Variants in TOX2 observed in about 807,000 individuals in gnomAD.
The protein encoded by TOX2 is granulosa cell HMG box 1.
TOX2 carries 15 observed loss-of-function variants against 47.4 expected under a neutral mutation model. That is an observed-to-expected ratio of 0.32 (90% confidence interval 0.21 to 0.49). The LOEUF (loss-of-function observed/expected upper bound fraction) is 0.49, where lower values mean the gene tolerates loss of function less well. Among genes scored for constraint, TOX2 ranks in the 20% least tolerant of loss-of-function variants. TOX2 has a pLI of 0.99. For missense variants in TOX2, 622 were observed against 673.1 expected (o/e 0.92, Z 0.84); for synonymous variants, 290 against 296.6 (o/e 0.98, Z 0.23).
chr20:44,052,097 CTG>C (rs770097437), intron 4 of TOX2, among the ~76,000 whole-genome samples: 2 of 152,170 alleles, frequency 1.3e-5, no homozygotes, highest in Non-Finnish European at 2.9e-5. Flanking sequence ...TCTGACAAAA[CTG>C]TGTGGTCCAG....
At position 43,914,917 on chromosome 20, in the gene TOX2, C is replaced by T. The variant is rs2069038644; in HGVS notation, c.26C>T (p.Ala9Val). The T allele has an allele frequency of 8.6e-7, 1 of 1,158,750 alleles. No individual in the cohort carries two copies. The highest frequency in any genetic ancestry group is 1.1e-6 in the Non-Finnish European group (1 of 943,642). 71.8% of individuals were successfully genotyped at this position (1,158,750 alleles called of 1,614,324 possible). A position where few individuals can be genotyped will look rare whatever the true frequency, so the allele number is the denominator to read the frequency against. ...ATGGACGTCCGCCTGTACCCCTCGG[C>T]GCCCGCGGTGGGCGCGCGGCCCGGG... MDVRLYPS[A>V]PAVGARPGAE... The change falls in exon 1 of 9, where the codon GCG becomes GTG. Residue 9 changes from alanine (A) to valine (V), a missense_variant. Coordinates refer to ENST00000341197, the MANE Select transcript of TOX2 (RefSeq NM_001098797.2). This position sits in a 1 kb window ranked among gnomAD's most constrained non-coding sequence, Gnocchi z 4.5.
intron 1 of TOX2, among the ~76,000 whole-genome samples, chr20:43,964,077 G>A (rs1240193452): frequency 1.3e-5 from 2 of 151,562 alleles, no homozygotes; most frequent in Non-Finnish European, 1.5e-5. Context: ...TGAGAAAACT[G>A]AGACACAGTA....
At chr20:43,975,507 C>A (rs1225557615) in intron 2 of TOX2, among the ~76,000 whole-genome samples, 1 of 152,076 alleles carries the variant, frequency 6.6e-6, no homozygotes, top group Non-Finnish European at 1.5e-5. Context: ...GGTGACTCAG[C>A]CAGGGAGCAC....
chr20:44,006,509 G>T, intron 2 of TOX2, 38 bp from the exon 3 acceptor site: 1 of 1,576,886 alleles, frequency 6.3e-7, no homozygotes, highest in South Asian at 1.2e-5. Flanking sequence ...CGGTTGTAAG[G>T]CACTGACCCC....
chr20:44,042,476 G>A (rs2071348111), intron 3 of TOX2, among the ~76,000 whole-genome samples: 1 of 152,228 alleles, frequency 6.6e-6, no homozygotes. Flanking sequence ...CAAGGGAGAA[G>A]TTAAAGGGCT....
chr20:43,987,773 G>T (rs1416988765), intron 2 of TOX2, among the ~76,000 whole-genome samples: 1 of 152,156 alleles, frequency 6.6e-6, no homozygotes, highest in African/African-American at 2.4e-5. Context: ...GATGAGCTGT[G>T]AAATTGCTCT....
intron 1 of TOX2, among the ~76,000 whole-genome samples, chr20:43,964,473 G>A (rs968749935): frequency 3.9e-5 from 6 of 152,244 alleles, no homozygotes. Flanking sequence ...CCAATGTGGG[G>A]CAGGCGGGAG....
At chr20:44,053,630 G>A (rs77431598) in intron 4 of TOX2, among the ~76,000 whole-genome samples, 8 of 102,852 alleles carry the variant, frequency 7.8e-5, no homozygotes, top group South Asian at 3.0e-4. Flanking sequence ...ACACACACAC[G>A]TATATACACA....
At chr20:44,020,379 A>T (rs990521551) in intron 3 of TOX2, among the ~76,000 whole-genome samples, 3 of 152,250 alleles carry the variant, frequency 2.0e-5, no homozygotes, top group Admixed American at 6.5e-5. Context: ...TGACAGGTTG[A>T]TAGGTGCAGC....
At chr20:44,038,954 C>T (rs1470185450) in intron 3 of TOX2, 12 of 1,184,214 alleles carry the variant, frequency 1.0e-5, no homozygotes, top group Non-Finnish European at 1.3e-5. Flanking sequence ...GCCTCCGTGT[C>T]TCCTCCTTCC....
chr20:43,934,156 AG>A, intron 1 of TOX2, among the ~76,000 whole-genome samples: 1 of 150,662 alleles, frequency 6.6e-6, no homozygotes, highest in East Asian at 2.0e-4. Context: ...AGAGAGAGAG[AG>A]AGAGAGAGAG....
intron 1 of TOX2, among the ~76,000 whole-genome samples, chr20:43,971,569 C>T (rs1223202341): frequency 6.6e-6 from 1 of 152,212 alleles, no homozygotes; most frequent in Non-Finnish European, 1.5e-5. Context: ...TACAAATGCA[C>T]ATACAGTTGG....
chr20:44,037,139 C>T lies in TOX2; in HGVS notation c.412-14167C>T, dbSNP rs548349262. 1.7e-4 allele frequency among the ~76,000 whole-genome samples: 26 copies of T among 152,158 alleles called. No homozygotes were observed. The South Asian group carries it at 5.0e-3, about 29-fold the overall frequency. On this transcript the variant is annotated intron_variant, in intron 3 of 8. Coordinates refer to ENST00000341197, the MANE Select transcript of TOX2 (RefSeq NM_001098797.2). ...CAGCTAATTTTTGTATTTTTAGTAG[C>T]GACAGGGTTTTACCATGTTGGTCAG...
At chr20:44,031,796 A>T (rs6017249) in intron 3 of TOX2, among the ~76,000 whole-genome samples, 116,231 of 151,890 alleles carry the variant, frequency 0.77, 44,741 homozygotes, top group Middle Eastern at 0.84. Context: ...GCCCAGCAGA[A>T]GTGGAGGGTG....
At chr20:44,053,639 CAT>C (rs1294831973) in intron 4 of TOX2, among the ~76,000 whole-genome samples, 3 of 150,208 alleles carry the variant, frequency 2.0e-5, no homozygotes, top group Admixed American at 1.3e-4. Flanking sequence ...CGTATATACA[CAT>C]ATACACACAT....
intron 3 of TOX2, among the ~76,000 whole-genome samples, chr20:44,040,731 A>T (rs548976808): frequency 6.6e-6 from 1 of 152,292 alleles, no homozygotes; most frequent in South Asian, 2.1e-4. Context: ...GGTGGTGAGG[A>T]CACTGATTAC....
chr20:43,936,701 A>G (rs1328899731), intron 1 of TOX2, among the ~76,000 whole-genome samples: 1 of 152,284 alleles, frequency 6.6e-6, no homozygotes, highest in East Asian at 1.9e-4. Context: ...ATCAAGAGAG[A>G]GCAAACCCCA....
At chr20:44,046,899 T>A (rs116730262) in intron 3 of TOX2, among the ~76,000 whole-genome samples, 2,228 of 152,282 alleles carry the variant, frequency 0.015, 52 homozygotes, top group African/African-American at 0.05. Context: ...CATATACCCC[T>A]GAACCTAAAA....
chr20:43,959,494 C>G (rs541110601), intron 1 of TOX2, among the ~76,000 whole-genome samples: 102 of 152,302 alleles, frequency 6.7e-4, no homozygotes, highest in Non-Finnish European at 9.6e-4. Context: ...CTAGAAAAAC[C>G]TTTCTAGGTC....
Sources: allele counts gnomAD v4.1 joint callset (sites outside exome capture counted in the v4.1 genomes callset), GRCh38; gene constraint gnomAD v4.1.1; non-coding constraint Gnocchi (gnomAD v3.1); transcripts MANE v1.5; gene names NCBI Gene and HGNC (gene_info 2026-07-23, HGNC 2026-07-21).